SRGAP1: variants seen among roughly 807,000 people sequenced by gnomAD.
SRGAP1 encodes SLIT-ROBO Rho GTPase activating protein 1.
SRGAP1 carries 43 observed loss-of-function variants against 121.9 expected under a neutral mutation model. The observed-to-expected ratio is 0.35, with a 90% CI of 0.28 to 0.46. The LOEUF is 0.46. Ranked by LOEUF, SRGAP1 falls within the 20% of genes least tolerant of loss-of-function variation. SRGAP1 has a pLI of 1.00. For synonymous variants in SRGAP1, 447 were observed against 485.4 expected (o/e 0.92, Z 1.04); for missense variants, 1,102 against 1,350.9 (o/e 0.82, Z 2.89).
intron 1 of SRGAP1, among the ~76,000 whole-genome samples, chr12:63,846,499 C>A (rs544966853): frequency 1.3e-5 from 2 of 152,156 alleles, no homozygotes; most frequent in Non-Finnish European, 2.9e-5. Context: ...GCTGTAAGGT[C>A]ACTTGCCAGT....
Position 64,144,229 on chromosome 12 carries a change from G to A in SRGAP1, c.*1557G>A, listed in dbSNP as rs2037013487. ...TTCTATCATTGAAGTTACTGATAAAGATTTTTGTTGTTGTTGTTGTTGTTG... is the reference window on the plus strand; with the variant it reads ...TTCTATCATTGAAGTTACTGATAAAAATTTTTGTTGTTGTTGTTGTTGTTG... On this transcript the variant is annotated 3_prime_UTR_variant, in exon 22 of 22. Transcript: ENST00000355086. 2.1e-5 allele frequency: 2 copies of A among 93,962 alleles called. No homozygotes were observed. Among genetic ancestry groups the A allele is most frequent in the African/African-American group, 8.3e-5 (2 of 24,146 alleles). 5.8% of individuals were successfully genotyped at this position (93,962 alleles called of 1,614,324 possible). A position where few individuals can be genotyped will look rare whatever the true frequency, so the allele number is the denominator to read the frequency against.
chr12:64,097,717 C>A (rs995875190), intron 15 of SRGAP1: 3 of 187,638 alleles, frequency 1.6e-5, no homozygotes, highest in Non-Finnish European at 3.3e-5. Context: ...GCTTTTGATT[C>A]TTGGTTTTTC....
intron 6 of SRGAP1, among the ~76,000 whole-genome samples, chr12:64,053,908 G>A (rs1231457716): frequency 2.0e-5 from 3 of 152,112 alleles, no homozygotes. Flanking sequence ...TAGAGTACAA[G>A]TCTTAATGCT....
chr12:63,912,622 G>GAA (rs111982523), intron 1 of SRGAP1, among the ~76,000 whole-genome samples: 5 of 149,112 alleles, frequency 3.4e-5, no homozygotes, highest in African/African-American at 9.9e-5. Flanking sequence ...TTAAAAGAAA[G>GAA]AAAAAAAAAA....
chr12:63,877,357 T>G (rs768322908), intron 1 of SRGAP1, among the ~76,000 whole-genome samples: 5 of 152,144 alleles, frequency 3.3e-5, no homozygotes, highest in Non-Finnish European at 7.4e-5. Flanking sequence ...CATAAACCCA[T>G]GAAAAGGTAT....
rs2037116835 is a variant in SRGAP1, at chr12:64,151,212, C to G, written c.*8540C>G. On this transcript the variant is annotated 3_prime_UTR_variant, in exon 22 of 22. Coordinates refer to ENST00000355086, the MANE Select transcript of SRGAP1 (RefSeq NM_020762.4). ...ACATCTTAGTATATTGTCTTCTAAT[C>G]CTTACATTATGTTATTTTTAAGCAG... The G allele has an allele frequency of 6.6e-6, 1 of 152,086 alleles. No individual in the cohort carries two copies. Among genetic ancestry groups the G allele is most frequent in the Admixed American group, 6.6e-5 (1 of 15,258 alleles). The allele number at this position is 152,086 out of a possible 1,614,324, so 9.4% of individuals were successfully genotyped here. A position where few individuals can be genotyped will look rare whatever the true frequency, so the allele number is the denominator to read the frequency against.
chr12:64,142,147 CATA>C, intron 21 of SRGAP1, 145 bp from the exon 22 acceptor site: 1 of 759,340 alleles, frequency 1.3e-6, no homozygotes, highest in East Asian at 2.5e-5. Context: ...TGTGAGATGG[CATA>C]ATGTTTACAT....
At chr12:64,032,684 C>CAAAA (rs1346334248) in intron 4 of SRGAP1, 1 of 160,846 alleles carries the variant, frequency 6.2e-6, no homozygotes, top group African/African-American at 3.4e-5. Flanking sequence ...GCTTTCAAAG[C>CAAAA]AAAAAAAAAA....
chr12:64,125,047 C>G (rs570986246), intron 18 of SRGAP1, among the ~76,000 whole-genome samples: 1 of 152,270 alleles, frequency 6.6e-6, no homozygotes, highest in South Asian at 2.1e-4. Flanking sequence ...AACCCATACT[C>G]AAGATAACAA....
At chr12:64,018,265 A>AT (rs2034460312) in intron 4 of SRGAP1, among the ~76,000 whole-genome samples, 1 of 151,906 alleles carries the variant, frequency 6.6e-6, no homozygotes, top group South Asian at 2.1e-4. Flanking sequence ...ATTTTTTTGT[A>AT]TTTTTAGTAG....
At chr12:64,128,253 G>A in intron 21 of SRGAP1, 53 bp downstream of exon 21, 1 of 1,458,462 alleles carries the variant, frequency 6.9e-7, no homozygotes, top group Non-Finnish European at 9.3e-7. Context: ...TGTGATGTAG[G>A]AGGTGTGAAA....
At chr12:64,045,352 A>G in intron 6 of SRGAP1, among the ~76,000 whole-genome samples, 1 of 152,244 alleles carries the variant, frequency 6.6e-6, no homozygotes. Flanking sequence ...GGTATAGGGA[A>G]TATAAAAGAA....
chr12:63,939,537 G>A (rs1005237874), intron 1 of SRGAP1, among the ~76,000 whole-genome samples: 1 of 152,140 alleles, frequency 6.6e-6, no homozygotes, highest in Admixed American at 6.5e-5. Context: ...AGCTAGAAAA[G>A]AGACCAAGAT....
intron 1 of SRGAP1, among the ~76,000 whole-genome samples, chr12:63,861,734 C>T (rs1899459610): frequency 6.6e-6 from 1 of 152,102 alleles, no homozygotes; most frequent in African/African-American, 2.4e-5. Flanking sequence ...ATTCCGTAAT[C>T]CCAACACTTT....
At chr12:64,141,287 A>AAAAG (rs1555177611) in intron 21 of SRGAP1, among the ~76,000 whole-genome samples, 35,419 of 144,464 alleles carry the variant, frequency 0.25, 4,584 homozygotes, top group African/African-American at 0.29. Context: ...AAAAAAAAAA[A>AAAAG]AAAGAAAAAC....
chr12:64,124,832 T>C (rs994599076), intron 18 of SRGAP1, among the ~76,000 whole-genome samples: 3 of 152,126 alleles, frequency 2.0e-5, no homozygotes, highest in Non-Finnish European at 4.4e-5. Context: ...TAAAAAACAA[T>C]ACAGAGAGAT....
At chr12:64,003,658 G>GA (rs1212174882) in intron 3 of SRGAP1, among the ~76,000 whole-genome samples, 1 of 151,766 alleles carries the variant, frequency 6.6e-6, no homozygotes, top group African/African-American at 2.4e-5. Flanking sequence ...ACAACAGAGA[G>GA]AAAAAATATT....
chr12:64,000,949 T>G (rs76586950), intron 3 of SRGAP1, among the ~76,000 whole-genome samples: 1,559 of 152,264 alleles, frequency 0.01, 23 homozygotes, highest in African/African-American at 0.036. Context: ...GAGGGACCGA[T>G]AATTAAAAAT....
chr12:63,875,862 A>G (rs1259305627), intron 1 of SRGAP1, among the ~76,000 whole-genome samples: 1 of 152,234 alleles, frequency 6.6e-6, no homozygotes, highest in Non-Finnish European at 1.5e-5. Flanking sequence ...GAAATAAGGA[A>G]ACTCAGCTAG....
Sources: gnomAD v4.1 joint callset for allele counts (sites outside exome capture counted in the v4.1 genomes callset) on GRCh38, gnomAD v4.1.1 for gene constraint, MANE v1.5 for transcripts, NCBI Gene and HGNC (gene_info 2026-07-23, HGNC 2026-07-21) for gene names.